SDK1: variants seen among roughly 807,000 people sequenced by gnomAD.
SDK1 encodes protein sidekick-1.
SDK1 carries 157 observed loss-of-function variants against 245.5 expected under a neutral mutation model. That is an observed-to-expected ratio of 0.64 (90% CI 0.56 to 0.73). The LOEUF is 0.73. SDK1 is among the 30% of genes least tolerant of loss of function. The probability of loss-of-function intolerance (pLI) is 0.00; values close to 1 mark genes in which losing one functional copy is unlikely to be tolerated. For synonymous variants in SDK1, 1,647 were observed against 1,278.5 expected (o/e 1.29, Z -6.15); for missense variants, 3,583 against 3,002.3 (o/e 1.19, Z -4.52).
intron 1 of SDK1, among the ~76,000 whole-genome samples, chr7:3,560,451 T>C (rs1251620883): frequency 6.6e-6 from 1 of 152,128 alleles, no homozygotes; most frequent in Non-Finnish European, 1.5e-5. Context: ...TTATATCCAG[T>C]GTGTTGGATA....
intron 5 of SDK1, among the ~76,000 whole-genome samples, chr7:3,933,065 G>A (rs566407784): frequency 2.8e-4 from 42 of 151,884 alleles, no homozygotes; most frequent in African/African-American, 8.9e-4. Flanking sequence ...CTGGAGATGA[G>A]GGTAGCACAA....
intron 1 of SDK1, among the ~76,000 whole-genome samples, chr7:3,355,936 C>T (rs1479427355): frequency 1.3e-5 from 2 of 152,130 alleles, no homozygotes; most frequent in South Asian, 2.1e-4. Flanking sequence ...AATCATGTTC[C>T]AGCATTCATG....
chr7:3,640,076 C>G (rs769721647), intron 3 of SDK1, among the ~76,000 whole-genome samples: 1 of 146,978 alleles, frequency 6.8e-6, no homozygotes, highest in Non-Finnish European at 1.5e-5. Flanking sequence ...AGGTTGGTCT[C>G]TAATGCCTGG....
intron 1 of SDK1, among the ~76,000 whole-genome samples, chr7:3,329,584 A>G (rs1325354167): frequency 6.6e-6 from 1 of 152,038 alleles, no homozygotes; most frequent in Non-Finnish European, 1.5e-5. Flanking sequence ...GTCTCTATAG[A>G]TTTGCCTTTT....
chr7:3,690,910 A>G (rs1272744765), intron 4 of SDK1, among the ~76,000 whole-genome samples: 4 of 152,228 alleles, frequency 2.6e-5, no homozygotes, highest in Non-Finnish European at 5.9e-5. Flanking sequence ...CTCATATTAT[A>G]GCCTGGATGT....
intron 18 of SDK1, among the ~76,000 whole-genome samples, chr7:4,050,780 G>T (rs970562183): frequency 1.7e-4 from 26 of 150,348 alleles, no homozygotes; most frequent in Non-Finnish European, 2.8e-4. Flanking sequence ...AAAAATATTT[G>T]TATTTGTTTC....
intron 5 of SDK1, among the ~76,000 whole-genome samples, chr7:3,855,028 G>C (rs943101703): frequency 6.6e-6 from 1 of 152,220 alleles, no homozygotes; most frequent in East Asian, 1.9e-4. Flanking sequence ...CAGCCCTGCT[G>C]TGGCCACAGA....
chr7:3,870,916 C>A (rs1189263600), intron 5 of SDK1, among the ~76,000 whole-genome samples: 1 of 152,088 alleles, frequency 6.6e-6, no homozygotes, highest in African/African-American at 2.4e-5. Flanking sequence ...GACCTTGATA[C>A]TTTGGAAGGG....
At chr7:3,916,145 G>A (rs544330177) in intron 5 of SDK1, among the ~76,000 whole-genome samples, 16 of 152,304 alleles carry the variant, frequency 1.1e-4, no homozygotes, top group African/African-American at 3.8e-4. Context: ...AAGAGTAGCG[G>A]GGGGTGGGAA....
chr7:4,268,415 C>T lies in SDK1; in HGVS notation c.*3031C>T, dbSNP rs776246987. Reference sequence around the variant, plus strand: ...ATCGGTCCAGCCCAAGCCCCTCTCCCCAGCCTCGCCTTCAGCCTCTCTCCC... The same window carrying T: ...ATCGGTCCAGCCCAAGCCCCTCTCCTCAGCCTCGCCTTCAGCCTCTCTCCC... On this transcript the variant is annotated 3_prime_UTR_variant, in exon 45 of 45. Coordinates refer to ENST00000404826, the MANE Select transcript of SDK1 (RefSeq NM_152744.4). 35 of 1,120,944 alleles carry T rather than the reference C, an allele frequency of 3.1e-5. No homozygotes were observed. The highest frequency in any genetic ancestry group is 4.9e-5 in the African/African-American group (3 of 60,640). 69.4% of individuals were successfully genotyped at this position (1,120,944 alleles called of 1,614,324 possible). A position where few individuals can be genotyped will look rare whatever the true frequency, so the allele number is the denominator to read the frequency against.
At chr7:3,994,384 G>A (rs1381560163) in intron 14 of SDK1, among the ~76,000 whole-genome samples, 2 of 152,124 alleles carry the variant, frequency 1.3e-5, no homozygotes, top group Non-Finnish European at 2.9e-5. Flanking sequence ...GCTCACACCT[G>A]TGTTCTCAGT....
chr7:4,091,260 T>C, intron 22 of SDK1, among the ~76,000 whole-genome samples: 1 of 151,944 alleles, frequency 6.6e-6, no homozygotes, highest in Non-Finnish European at 1.5e-5. Context: ...AAGGCAATGA[T>C]CCTTACTGGG....
intron 4 of SDK1, among the ~76,000 whole-genome samples, chr7:3,698,992 T>A (rs1209626820): frequency 5.9e-5 from 9 of 152,074 alleles, no homozygotes; most frequent in Non-Finnish European, 1.3e-4. Flanking sequence ...ACGCTGGAGC[T>A]TTCACCCAAA....
At chr7:4,143,570 G>C (rs991270978) in intron 28 of SDK1, among the ~76,000 whole-genome samples, 2 of 152,192 alleles carry the variant, frequency 1.3e-5, no homozygotes, top group African/African-American at 4.8e-5. Flanking sequence ...TGGCAGAGCG[G>C]GATTCCAGCC....
intron 1 of SDK1, among the ~76,000 whole-genome samples, chr7:3,311,004 GTTATT>G (rs1283421488): frequency 6.6e-6 from 1 of 152,140 alleles, no homozygotes; most frequent in East Asian, 1.9e-4. Context: ...GTTAGGTGGT[GTTATT>G]TATTCTTTTG....
chr7:3,469,256 C>G (rs536335727), intron 1 of SDK1, among the ~76,000 whole-genome samples: 28 of 152,198 alleles, frequency 1.8e-4, no homozygotes, highest in African/African-American at 6.7e-4. Context: ...GGCCCTTTCT[C>G]TACAAAAAAT....
At chr7:3,369,254 G>A (rs1356047411) in intron 1 of SDK1, among the ~76,000 whole-genome samples, 1 of 151,834 alleles carries the variant, frequency 6.6e-6, no homozygotes, top group Admixed American at 6.6e-5. Flanking sequence ...CCATGTTGGC[G>A]AGGCTGGTCT....
rs149975481 is a variant in SDK1, at chr7:3,690,280, T to C, written c.713+48175T>C. Among the ~76,000 whole-genome samples the C allele has an allele frequency of 6.6e-3, 1,004 of 152,328 alleles. 10 individuals carry two copies. Among genetic ancestry groups the C allele is most frequent in the African/African-American group, 0.024 (979 of 41,566 alleles). ...AAATCCAGAACTAAATGACAGGTTA[T>C]ACTTCTGTCTCAAGCATCATATGAT... On this transcript the variant is annotated intron_variant, in intron 4 of 44. Coordinates refer to ENST00000404826, the MANE Select transcript of SDK1 (RefSeq NM_152744.4).
chr7:4,265,145 G>A lies in SDK1; in HGVS notation c.6403G>A (p.Asp2135Asn), dbSNP rs374706004. 3.3e-4 allele frequency: 530 copies of A among 1,612,200 alleles called. No individual in the cohort carries two copies. The highest frequency in any genetic ancestry group is 4.2e-4 in the Non-Finnish European group (498 of 1,179,622). The change falls in exon 45 of 45, where the codon GAC becomes AAC. Residue 2135 changes from aspartate to asparagine, a missense_variant. Physicochemically the swap from Asp to Asn is conservative, Grantham distance 23 (BLOSUM62 1). Transcript: ENST00000404826. Reference protein sequence around the residue: ...ESEATDSDYEDALPKHSFVNH... With the variant: ...ESEATDSDYENALPKHSFVNH... The stretch of plus-strand genomic sequence containing the variant: ...GCAGGCCACGGACTCTGACTACGAG[G>A]ACGCGCTGCCCAAGCACTCCTTCGT...
Sources: gnomAD v4.1 joint callset for allele counts (sites outside exome capture counted in the v4.1 genomes callset) on GRCh38, gnomAD v4.1.1 for gene constraint, MANE v1.5 for transcripts, NCBI Gene and HGNC (gene_info 2026-07-23, HGNC 2026-07-21) for gene names.